DCAKD: variants seen among roughly 807,000 people sequenced by gnomAD.
The protein encoded by DCAKD is dephospho-CoA kinase domain containing, also known as dephospho-CoA kinase domain-containing protein.
Under a neutral mutation model 18.7 loss-of-function variants are expected in DCAKD, and 15 were observed. That is an observed-to-expected ratio of 0.80 (90% CI 0.54 to 1.24). The LOEUF (loss-of-function observed/expected upper bound fraction) is 1.24, where lower values mean the gene tolerates loss of function less well. Among genes scored for constraint, DCAKD ranks in the 50% most tolerant of loss-of-function variants. The probability of loss-of-function intolerance (pLI) is 0.00; values close to 1 mark genes in which losing one functional copy is unlikely to be tolerated. For missense variants in DCAKD, 301 were observed against 322.0 expected (o/e 0.93, Z 0.50); for synonymous variants, 130 against 133.0 (o/e 0.98, Z 0.16).
At chr17:45,050,404 CTCT>C (rs1470290670) in intron 1 of DCAKD, among the ~76,000 whole-genome samples, 2 of 152,072 alleles carry the variant, frequency 1.3e-5, no homozygotes, top group African/African-American at 4.8e-5. Flanking sequence ...GCTATCAGCC[CTCT>C]TCTTCTCTCC....
chr17:45,055,508 A>G (rs1350169845), upstream of DCAKD, among the ~76,000 whole-genome samples: 1 of 151,962 alleles, frequency 6.6e-6, no homozygotes, highest in Non-Finnish European at 1.5e-5. Context: ...CCCACTGAAT[A>G]GCTGGAACCA....
intron 1 of DCAKD, among the ~76,000 whole-genome samples, chr17:45,060,504 G>A (rs188934614): frequency 2.0e-5 from 3 of 151,978 alleles, no homozygotes; most frequent in East Asian, 3.9e-4. Flanking sequence ...GAAGGCGGCC[G>A]TATTTAAAAA....
Position 45,051,558 on chromosome 17 carries a change from G to A in DCAKD, c.-312C>T, listed in dbSNP as rs1411392891. Reference sequence around the variant, plus strand: ...CCGCGTGGCGCGCTACGTACCCAGCGCCTCCGCCGTGGCCCAGGCCTCCGC... The same window carrying A: ...CCGCGTGGCGCGCTACGTACCCAGCACCTCCGCCGTGGCCCAGGCCTCCGC... On this transcript the variant is annotated 5_prime_UTR_variant, in exon 1 of 5. Transcript: ENST00000651974. 2 of 151,390 alleles carry A rather than the reference G, an allele frequency of 1.3e-5. No individual in the cohort carries two copies. Among genetic ancestry groups the A allele is most frequent in the South Asian group, 2.1e-4 (1 of 4,796 alleles). The allele number at this position is 151,390 out of a possible 1,614,324, so 9.4% of individuals were successfully genotyped here.
At chr17:45,045,124 A>C (rs567079115) in intron 1 of DCAKD, among the ~76,000 whole-genome samples, 1 of 151,594 alleles carries the variant, frequency 6.6e-6, no homozygotes, top group East Asian at 1.9e-4. Flanking sequence ...ACCTTTATCT[A>C]GGTATCTAGG....
intron 1 of DCAKD, among the ~76,000 whole-genome samples, chr17:45,043,281 G>C (rs2053481997): frequency 6.6e-6 from 1 of 151,738 alleles, no homozygotes; most frequent in Non-Finnish European, 1.5e-5. Context: ...GATCTGTAAT[G>C]ACTACTCATG....
chr17:45,031,444 C>A (rs1020152697), intron 3 of DCAKD: 82 of 947,586 alleles, frequency 8.7e-5, no homozygotes, highest in Non-Finnish European at 9.8e-5. Flanking sequence ...AAAAAGAATA[C>A]CTACTTCACA....
At chr17:45,055,027 G>C (rs970036452), upstream of DCAKD, among the ~76,000 whole-genome samples, 5 of 152,316 alleles carry the variant, frequency 3.3e-5, no homozygotes, top group Admixed American at 2.6e-4. Flanking sequence ...CCATAGGAAA[G>C]GGTGAAGGGC....
chr17:45,053,248 T>G (rs1445090668), upstream of DCAKD, among the ~76,000 whole-genome samples: 2 of 97,424 alleles, frequency 2.1e-5, no homozygotes, highest in Non-Finnish European at 4.5e-5. Context: ...TTTGTTTTTT[T>G]TTTGTTTGGT....
chr17:45,057,702 C>CAA (rs778179170), intron 1 of DCAKD, among the ~76,000 whole-genome samples: 27 of 76,846 alleles, frequency 3.5e-4, no homozygotes, highest in Admixed American at 7.6e-4. Context: ...GACTCCATCT[C>CAA]AAAAAAAAAA....
intron 1 of DCAKD, among the ~76,000 whole-genome samples, chr17:45,047,504 C>CTTTT (rs916286343): frequency 2.4e-5 from 3 of 124,504 alleles, no homozygotes; most frequent in African/African-American, 2.9e-5. Context: ...TGGCTAGTCT[C>CTTTT]TTTTTTTTTT....
At chr17:45,061,015 G>C in exon 1 of DCAKD, 1 of 1,124,686 alleles carries the variant, frequency 8.9e-7, no homozygotes, top group African/African-American at 1.6e-5. Flanking sequence ...AACCAGCATC[G>C]AACTACAACT....
intron 1 of DCAKD, among the ~76,000 whole-genome samples, chr17:45,058,697 C>T (rs1458729020): frequency 6.6e-6 from 1 of 151,996 alleles, no homozygotes; most frequent in Non-Finnish European, 1.5e-5. Flanking sequence ...GCTGGGATTA[C>T]TGGCATAAGC....
intron 4 of DCAKD, among the ~76,000 whole-genome samples, chr17:45,027,858 C>A (rs1279125144): frequency 6.6e-6 from 1 of 150,954 alleles, no homozygotes; most frequent in East Asian, 2.0e-4. Flanking sequence ...TGGTGGCGTG[C>A]GCCTGTAATC....
At chr17:45,031,121 C>A (rs1041572441) in intron 3 of DCAKD, 8 of 985,292 alleles carry the variant, frequency 8.1e-6, no homozygotes, top group Non-Finnish European at 6.0e-6. Flanking sequence ...GGAGACTGCA[C>A]CCCTGGAGCA....
At position 45,023,603 on chromosome 17, in the gene DCAKD, T is replaced by TTAA. The variant is rs748576655; in HGVS notation, c.*829_*830insTTA. 2.4e-5 allele frequency: 2 copies of TTAA among 81,702 alleles called. No individual in the cohort carries two copies. Among genetic ancestry groups the TTAA allele is most frequent in the East Asian group, 7.3e-4 (2 of 2,740 alleles). 5.1% of individuals were successfully genotyped at this position (81,702 alleles called of 1,614,324 possible). A position where few individuals can be genotyped will look rare whatever the true frequency, so the allele number is the denominator to read the frequency against. On this transcript the variant is annotated 3_prime_UTR_variant, in exon 5 of 5. Coordinates refer to ENST00000651974, the MANE Select transcript of DCAKD (RefSeq NM_001288655.2). Reference sequence around the variant, plus strand: ...CCTGAACTGAGAGCTAGTTGTAGGTTAAAAAAAAAAAAAAAAAAAAAAAGG... The same window carrying TTAA: ...CCTGAACTGAGAGCTAGTTGTAGGTTTAAAAAAAAAAAAAAAAAAAAAAAAAGG...
chr17:45,049,542 G>T lies in DCAKD; in HGVS notation c.-115+1819C>A, dbSNP rs181766081. ...AATCAAATCAAATGGTGTATATTTA[G>T]ACTTCACTGCAGGTTTAAATGAGGA... On this transcript the variant is annotated intron_variant, in intron 1 of 4. Transcript: ENST00000651974. 7.6e-4 allele frequency among the ~76,000 whole-genome samples: 115 copies of T among 150,448 alleles called. 2 individuals are homozygous for T. In the East Asian group the frequency reaches 0.014, roughly 18 times the overall value.
chr17:45,058,008 CAAAAAA>C (rs1183133616), intron 1 of DCAKD, among the ~76,000 whole-genome samples: 5 of 28,992 alleles, frequency 1.7e-4, no homozygotes, highest in African/African-American at 2.8e-4. Context: ...GATTCCGTCT[CAAAAAA>C]AAAAAAAAAA....
chr17:45,027,103 T>C (rs1242972504), intron 4 of DCAKD, among the ~76,000 whole-genome samples: 2 of 152,052 alleles, frequency 1.3e-5, no homozygotes, highest in East Asian at 3.9e-4. Context: ...AGCACTTTAG[T>C]AGGCCGAGGA....
chr17:45,059,341 G>A (rs867736354), intron 1 of DCAKD, among the ~76,000 whole-genome samples: 2 of 151,986 alleles, frequency 1.3e-5, no homozygotes, highest in East Asian at 1.9e-4. Context: ...GTTTCTTCCC[G>A]CCCTGCCATT....
Sources: gnomAD v4.1 joint callset for allele counts (sites outside exome capture counted in the v4.1 genomes callset) on GRCh38, gnomAD v4.1.1 for gene constraint, MANE v1.5 for transcripts, NCBI Gene and HGNC (gene_info 2026-07-23, HGNC 2026-07-21) for gene names.